NCOA3: variants seen among roughly 807,000 people sequenced by gnomAD.
NCOA3 encodes CBP-interacting protein.
Under a neutral mutation model 158.8 loss-of-function variants are expected in NCOA3, and 51 were observed. That is an observed-to-expected ratio of 0.32 (90% confidence interval 0.26 to 0.41). The LOEUF (loss-of-function observed/expected upper bound fraction) is 0.41, where lower values mean the gene tolerates loss of function less well. NCOA3 is among the 10% of genes least tolerant of loss of function. The pLI, the probability that NCOA3 is intolerant of heterozygous loss-of-function variation, is 1.00. For synonymous variants in NCOA3, 537 were observed against 592.4 expected (o/e 0.91, Z 1.36); for missense variants, 1,510 against 1,746.6 (o/e 0.86, Z 2.41).
Position 47,635,437 on chromosome 20 carries a change from C to A in NCOA3, c.1228C>A (p.Gln410Lys), listed in dbSNP as rs772460396. ...GMSMSPNQGL[Q>K]MPSSRAYGLA... Reference sequence around the variant, plus strand: ...GAGTATGTCGCCAAACCAAGGCTTACAGATGCCGAGCAGCAGGGCCTATGG... The same window carrying A: ...GAGTATGTCGCCAAACCAAGGCTTAAAGATGCCGAGCAGCAGGGCCTATGG... The change falls in exon 11 of 23, where the codon CAG (glutamine) becomes AAG (lysine). Residue 410 changes from glutamine (Q) to lysine (K), a missense_variant. Physicochemically the swap from Gln to Lys is moderately conservative, Grantham distance 53 (BLOSUM62 1). This residue lies in a region of NCOA3 where 1,017 missense variants were observed against 1,098.3 expected (regional missense o/e 0.93). Transcript: ENST00000371998. 1.9e-6 allele frequency: 3 copies of A among 1,614,176 alleles called. No individual in the cohort carries two copies. Among genetic ancestry groups the A allele is most frequent in the Non-Finnish European group, 2.5e-6 (3 of 1,180,040 alleles).
intron 2 of NCOA3, among the ~76,000 whole-genome samples, chr20:47,589,538 G>A (rs1228339106): frequency 6.6e-6 from 1 of 151,758 alleles, no homozygotes; most frequent in East Asian, 1.9e-4. Flanking sequence ...ACTAAGCCCA[G>A]CTAATTTTTT....
At chr20:47,563,097 T>C (rs2146185347) in intron 1 of NCOA3, among the ~76,000 whole-genome samples, 1 of 152,332 alleles carries the variant, frequency 6.6e-6, no homozygotes, top group Non-Finnish European at 1.5e-5. Flanking sequence ...TCTACATTTC[T>C]CATACTTCTT....
chr20:47,544,599 T>G (rs1361929237), intron 1 of NCOA3, among the ~76,000 whole-genome samples: 1 of 152,168 alleles, frequency 6.6e-6, no homozygotes, highest in Non-Finnish European at 1.5e-5. Flanking sequence ...TTTCTGTTGG[T>G]TTCTTACTTT....
At chr20:47,644,842 C>T (rs1014463070) in intron 17 of NCOA3, among the ~76,000 whole-genome samples, 16 of 152,084 alleles carry the variant, frequency 1.1e-4, no homozygotes, top group African/African-American at 2.2e-4. Flanking sequence ...GGACTACAGG[C>T]GCACGCCACC....
chr20:47,589,898 C>T (rs943938527), intron 2 of NCOA3, among the ~76,000 whole-genome samples: 4 of 142,958 alleles, frequency 2.8e-5, no homozygotes, highest in Admixed American at 7.0e-5. Context: ...GGCCCATAAA[C>T]ATTGACTTCT....
At chr20:47,653,368 A>ATTTTTTTTTTTTTTTTTT in intron 22 of NCOA3, 38 bp from the exon 23 acceptor site, 2 of 1,389,738 alleles carry the variant, frequency 1.4e-6, no homozygotes, top group Non-Finnish European at 1.9e-6. Flanking sequence ...TGTTTTACTC[A>ATTTTTTTTTTTTTTTTTT]TTTTTTTTTT....
rs116459886 is a variant in NCOA3 at position 47,620,567 on chromosome 20, C to T, written c.-19-1662C>T. ...GATTCACCTAGTGTCAACTCCCTTC[C>T]TCATCCTTGCTCTGCCTGTCCCCAT... On this transcript the variant is annotated intron_variant, in intron 2 of 22. Coordinates refer to ENST00000371998, the MANE Select transcript of NCOA3 (RefSeq NM_181659.3). 5.0e-3 allele frequency among the ~76,000 whole-genome samples: 763 copies of T among 152,282 alleles called. 5 individuals are homozygous for T. Among genetic ancestry groups the T allele is most frequent in the African/African-American group, 0.017 (713 of 41,552 alleles).
chr20:47,636,720 T>G lies in NCOA3; in HGVS notation c.2334T>G (p.Ser778Arg), dbSNP rs754738915. Reference protein sequence around the residue: ...QCTSSTIPSSSQEKDPKIKTE... With the variant: ...QCTSSTIPSSRQEKDPKIKTE... ...CCAGCTCCACCATTCCTAGCTCAAG[T>G]CAAGAGAAAGACCCTAAAATTAAGA... Residue 778 changes from serine (S) to arginine (R), a missense_variant, in exon 12 of 23, where the codon AGT becomes AGG. Physicochemically the swap from Ser to Arg is moderately radical, Grantham distance 110 (BLOSUM62 -1). Transcript: ENST00000371998. The G allele has an allele frequency of 1.2e-6, 2 of 1,613,580 alleles. 1 individual carries two copies. Among genetic ancestry groups the G allele is most frequent in the South Asian group, 2.2e-5 (2 of 91,060 alleles).
intron 1 of NCOA3, among the ~76,000 whole-genome samples, chr20:47,524,212 G>C (rs2084389770): frequency 1.3e-5 from 2 of 151,552 alleles, no homozygotes; most frequent in Non-Finnish European, 2.9e-5. Flanking sequence ...GTGTTTGCCA[G>C]AATGTAGAGA....
At chr20:47,562,551 T>A (rs901500052) in intron 1 of NCOA3, among the ~76,000 whole-genome samples, 6 of 151,600 alleles carry the variant, frequency 4.0e-5, no homozygotes, top group African/African-American at 7.2e-5. Context: ...TTTTTTTTTT[T>A]AATTTGTGTT....
At chr20:47,613,224 C>G (rs1390654906) in intron 2 of NCOA3, among the ~76,000 whole-genome samples, 1 of 152,030 alleles carries the variant, frequency 6.6e-6, no homozygotes, top group African/African-American at 2.4e-5. Context: ...GTACTGTTTT[C>G]TTGTATACAT....
chr20:47,653,595 A>AAT lies in NCOA3; in HGVS notation c.*181_*182dup, dbSNP rs3092324. On this transcript the variant is annotated 3_prime_UTR_variant, in exon 23 of 23. Transcript: ENST00000371998. The stretch of plus-strand genomic sequence containing the variant: ...AGGACTGGATTTTAAGCCGAAGGGC[A>AAT]ATATCTACGTGTTTTTCCCCCCTCC... The AAT allele has an allele frequency of 0.073, 53,470 of 727,754 alleles. 2,521 individuals are homozygous for AAT. The highest frequency in any genetic ancestry group is 0.089 in the Non-Finnish European group (38,149 of 429,488). The allele number at this position is 727,754 out of a possible 1,614,324, so 45.1% of individuals were successfully genotyped here. A position where few individuals can be genotyped will look rare whatever the true frequency, so the allele number is the denominator to read the frequency against.
intron 1 of NCOA3, among the ~76,000 whole-genome samples, chr20:47,524,774 G>A (rs2084400224): frequency 6.6e-6 from 1 of 152,032 alleles, no homozygotes; most frequent in African/African-American, 2.4e-5. Flanking sequence ...ATGGAGTCTT[G>A]CTCTGTTGCC....
At chr20:47,596,505 A>G (rs369084928) in intron 2 of NCOA3, among the ~76,000 whole-genome samples, 1 of 152,192 alleles carries the variant, frequency 6.6e-6, no homozygotes, top group Non-Finnish European at 1.5e-5. Flanking sequence ...TTATTGCTCT[A>G]AAGTTTTAAA....
chr20:47,593,334 ATTTTTTTTTTTTTTT>A (rs71183267), intron 2 of NCOA3, among the ~76,000 whole-genome samples: 2 of 63,754 alleles, frequency 3.1e-5, no homozygotes, highest in Non-Finnish European at 5.5e-5. Context: ...GAGTTGATGG[ATTTTTTTTTTTTTTT>A]TTTTTTTTTT....
At chr20:47,615,617 G>C (rs1203669845) in intron 2 of NCOA3, among the ~76,000 whole-genome samples, 1 of 152,106 alleles carries the variant, frequency 6.6e-6, no homozygotes. Context: ...GTTATTCCAT[G>C]AAAGTTCATT....
intron 1 of NCOA3, among the ~76,000 whole-genome samples, chr20:47,573,513 G>A (rs1369828393): frequency 6.6e-6 from 1 of 152,132 alleles, no homozygotes; most frequent in Non-Finnish European, 1.5e-5. Context: ...TGTAAGGGAG[G>A]CATACAAAGT....
Position 47,636,623 on chromosome 20 carries a change from A to G in NCOA3, c.2237A>G (p.Asp746Gly). ...ALLRYLLDRD[D>G]PSDALSKELQ... is the part of the protein sequence containing the mutation. ...CTTAGATACCTGCTGGACAGGGATG[A>G]TCCTAGTGATGCACTCTCTAAAGAA... The change falls in exon 12 of 23, where the codon GAT becomes GGT. Residue 746 changes from aspartate (D) to glycine (G), a missense_variant. Asp to Gly is a moderately conservative substitution (Grantham distance 94, BLOSUM62 -1). Coordinates refer to ENST00000371998, the MANE Select transcript of NCOA3 (RefSeq NM_181659.3). 1.2e-6 allele frequency: 2 copies of G among 1,614,214 alleles called. No individual in the cohort carries two copies. The highest frequency in any genetic ancestry group is 1.7e-6 in the Non-Finnish European group (2 of 1,180,036).
intron 2 of NCOA3, among the ~76,000 whole-genome samples, chr20:47,605,939 T>C (rs2085940341): frequency 6.6e-6 from 1 of 152,344 alleles, no homozygotes; most frequent in East Asian, 1.9e-4. Context: ...CTGCAGATAG[T>C]AGATACTAAA....
Sources: allele counts gnomAD v4.1 joint callset (sites outside exome capture counted in the v4.1 genomes callset), GRCh38; gene constraint gnomAD v4.1.1; regional missense constraint gnomAD v4.1.1; transcripts MANE v1.5; gene names NCBI Gene and HGNC (gene_info 2026-07-23, HGNC 2026-07-21).